GRID1: variants seen among roughly 807,000 people sequenced by gnomAD.
The protein encoded by GRID1 is glutamate ionotropic receptor delta type subunit 1.
In GRID1, 28 loss-of-function variants were observed where a neutral mutation model predicts 98.0. The observed-to-expected ratio is 0.29, with a 90% CI of 0.21 to 0.39. GRID1 has a LOEUF of 0.39. Ranked by LOEUF, GRID1 falls within the 10% of genes least tolerant of loss-of-function variation. The pLI is 1.00. For synonymous variants in GRID1, 553 were observed against 538.5 expected, an observed-to-expected ratio of 1.03 and a Z score of -0.37; for missense variants, 1,111 against 1,340.5, an observed-to-expected ratio of 0.83 and a Z score of 2.67.
intron 10 of GRID1, 105 bp downstream of exon 10, chr10:85,727,750 G>C: frequency 1.3e-6 from 1 of 795,112 alleles, no homozygotes. Context: ...ACTGTGGTCT[G>C]TTTAGCTGGT....
chr10:85,777,609 C>G (rs1209830920), intron 8 of GRID1, among the ~76,000 whole-genome samples: 4 of 152,168 alleles, frequency 2.6e-5, no homozygotes, highest in Non-Finnish European at 4.4e-5. Flanking sequence ...ATAGAAATTA[C>G]AATCTAATGG....
intron 12 of GRID1, among the ~76,000 whole-genome samples, chr10:85,720,779 A>G (rs1225105260): frequency 6.6e-6 from 1 of 152,186 alleles, no homozygotes; most frequent in Non-Finnish European, 1.5e-5. Context: ...AGTAAAAAAT[A>G]AAAGTAGAAA....
At chr10:86,224,176 C>A (rs1367927383) in intron 2 of GRID1, among the ~76,000 whole-genome samples, 2 of 152,004 alleles carry the variant, frequency 1.3e-5, no homozygotes, top group Non-Finnish European at 2.9e-5. Context: ...ACCCCCGACA[C>A]TCCCAGCATA....
chr10:86,052,001 A>G (rs1480384189), intron 4 of GRID1, among the ~76,000 whole-genome samples: 1 of 152,258 alleles, frequency 6.6e-6, no homozygotes, highest in East Asian at 1.9e-4. Flanking sequence ...TATTCTATGC[A>G]GCACAATTTT....
chr10:86,140,305 A>C (rs1300500334), intron 3 of GRID1, among the ~76,000 whole-genome samples: 1 of 152,238 alleles, frequency 6.6e-6, no homozygotes, highest in East Asian at 1.9e-4. Context: ...GGATGCCCAC[A>C]GGCACGGCCT....
intron 2 of GRID1, among the ~76,000 whole-genome samples, chr10:86,219,428 C>T (rs926246914): frequency 6.6e-6 from 1 of 152,230 alleles, no homozygotes; most frequent in Non-Finnish European, 1.5e-5. Flanking sequence ...CCTCCACAGA[C>T]GCCGCCCCTC....
chr10:85,871,964 G>T (rs1215637873), intron 5 of GRID1, among the ~76,000 whole-genome samples: 1 of 152,176 alleles, frequency 6.6e-6, no homozygotes, highest in African/African-American at 2.4e-5. Flanking sequence ...GATTTTATTA[G>T]ATTGGAACCG....
At chr10:86,008,708 A>G (rs1473896570) in intron 4 of GRID1, among the ~76,000 whole-genome samples, 7 of 152,240 alleles carry the variant, frequency 4.6e-5, no homozygotes, top group African/African-American at 1.7e-4. Context: ...GCCATTTTAT[A>G]CACATTTTAT....
intron 8 of GRID1, among the ~76,000 whole-genome samples, chr10:85,834,930 T>G (rs1842899895): frequency 6.6e-6 from 1 of 152,116 alleles, no homozygotes; most frequent in African/African-American, 2.4e-5. Context: ...AAAATCCAAC[T>G]AAATGCTGTT....
intron 2 of GRID1, among the ~76,000 whole-genome samples, chr10:86,243,823 G>T (rs2814341): frequency 6.6e-6 from 1 of 152,136 alleles, no homozygotes; most frequent in South Asian, 2.1e-4. Flanking sequence ...CCCAGCACAA[G>T]GCGGGCAGAT....
chr10:86,129,321 T>G (rs144723727), intron 4 of GRID1, among the ~76,000 whole-genome samples: 48 of 152,240 alleles, frequency 3.2e-4, no homozygotes, highest in Non-Finnish European at 5.4e-4. Flanking sequence ...AGGAGAAAAA[T>G]GGGCTCTCCC....
intron 4 of GRID1, among the ~76,000 whole-genome samples, chr10:86,124,130 G>T (rs1026853529): frequency 6.6e-6 from 1 of 152,322 alleles, no homozygotes; most frequent in Non-Finnish European, 1.5e-5. Flanking sequence ...CTGTGTCCCT[G>T]AGCTGCTTCC....
intron 12 of GRID1, among the ~76,000 whole-genome samples, chr10:85,695,805 G>T (rs1318798283): frequency 1.3e-5 from 2 of 152,112 alleles, no homozygotes; most frequent in African/African-American, 4.8e-5. Context: ...GCTGCTCTTT[G>T]CATGGCAGAG....
rs1054675374 is a variant in GRID1, at chr10:86,192,448, C to T, written c.520+13916G>A. Among the ~76,000 whole-genome samples the T allele has an allele frequency of 1.2e-4, 18 of 151,996 alleles. No individual in the cohort carries two copies. Among genetic ancestry groups the T allele is most frequent in the Non-Finnish European group, 1.0e-4 (7 of 68,018 alleles). The stretch of plus-strand genomic sequence containing the variant: ...ATAAGCCAGTCTCAAGGAACAAATA[C>T]GGTACGAGTCCACTTATATGAGGCC... On this transcript the variant is annotated intron_variant, in intron 3 of 15. Transcript: ENST00000327946. The surrounding 1 kb of genome is among the most constrained non-coding windows in gnomAD (Gnocchi z 4.8).
intron 12 of GRID1, among the ~76,000 whole-genome samples, chr10:85,702,175 A>T (rs1280913071): frequency 6.6e-6 from 1 of 152,170 alleles, no homozygotes; most frequent in African/African-American, 2.4e-5. Flanking sequence ...AGGACTCTTT[A>T]TAACAAAACT....
intron 3 of GRID1, among the ~76,000 whole-genome samples, chr10:86,164,047 G>A (rs1845362844): frequency 6.6e-6 from 1 of 152,216 alleles, no homozygotes; most frequent in Non-Finnish European, 1.5e-5. Flanking sequence ...AGGACCCCAG[G>A]TGGGGAACAG....
At chr10:85,737,682 ATGG>A (rs1841899268) in intron 8 of GRID1, among the ~76,000 whole-genome samples, 1 of 114,722 alleles carries the variant, frequency 8.7e-6, no homozygotes, top group Non-Finnish European at 1.9e-5. Flanking sequence ...ATAAACATAT[ATGG>A]TTATATATAT....
At chr10:86,115,671 T>C (rs1844565171) in intron 4 of GRID1, among the ~76,000 whole-genome samples, 1 of 152,164 alleles carries the variant, frequency 6.6e-6, no homozygotes, top group African/African-American at 2.4e-5. Flanking sequence ...GCTTAGCCAT[T>C]CTGCTAACCC....
intron 4 of GRID1, among the ~76,000 whole-genome samples, chr10:85,958,132 C>T (rs1484642760): frequency 6.6e-6 from 1 of 152,212 alleles, no homozygotes; most frequent in African/African-American, 2.4e-5. Flanking sequence ...GTCAGGTCAA[C>T]CTGGGCCTCT....
Sources: allele counts gnomAD v4.1 joint callset (sites outside exome capture counted in the v4.1 genomes callset), GRCh38; gene constraint gnomAD v4.1.1; non-coding constraint Gnocchi (gnomAD v3.1); transcripts MANE v1.5; gene names NCBI Gene and HGNC (gene_info 2026-07-23, HGNC 2026-07-21).